SLC6A17: variants seen among roughly 807,000 people sequenced by gnomAD.
SLC6A17 encodes sodium-dependent neutral amino acid transporter SLC6A17.
Under a neutral mutation model 64.5 loss-of-function variants are expected in SLC6A17, and 21 were observed. That is an observed-to-expected ratio of 0.33 (90% CI 0.23 to 0.47). The LOEUF is 0.47. Among genes scored for constraint, SLC6A17 ranks in the 20% least tolerant of loss-of-function variants. The pLI is 1.00. For missense variants in SLC6A17, 682 were observed against 963.2 expected (o/e 0.71, Z 3.86); for synonymous variants, 372 against 399.5 (o/e 0.93, Z 0.82).
intron 3 of SLC6A17, 91 bp downstream of exon 3, chr1:110,172,308 T>C: frequency 6.8e-7 from 1 of 1,462,276 alleles, no homozygotes; most frequent in Non-Finnish European, 9.1e-7. Context: ...CAGGCCAGAG[T>C]CCTACGTCAG....
rs765278554 is a variant in SLC6A17 at position 110,198,195 on chromosome 1, T to C, written c.1935T>C (p.Ser645=). The change falls in exon 12 of 12, where the codon TCT becomes TCC. Residue 645 remains serine, a synonymous_variant. Coordinates refer to ENST00000331565, the MANE Select transcript of SLC6A17 (RefSeq NM_001010898.4). ...VFVLRHFHLL[S]DGSNTLSVSY... Reference sequence around the variant, plus strand: ...TCCTGCGGCACTTCCACCTGCTCTCTGATGGCTCCAACACCCTCTCCGTGT... The same window carrying C: ...TCCTGCGGCACTTCCACCTGCTCTCCGATGGCTCCAACACCCTCTCCGTGT... 4 of 1,614,042 alleles carry C rather than the reference T, an allele frequency of 2.5e-6. No individual in the cohort carries two copies. Among genetic ancestry groups the C allele is most frequent in the Admixed American group, 3.3e-5 (2 of 60,004 alleles).
At chr1:110,173,038 C>T (rs1656283279) in intron 3 of SLC6A17, among the ~76,000 whole-genome samples, 1 of 152,278 alleles carries the variant, frequency 6.6e-6, no homozygotes, top group African/African-American at 2.4e-5. Context: ...GCCCCCTGCT[C>T]TCACGTCAGC....
chr1:110,180,931 A>C (rs984414687), intron 6 of SLC6A17, among the ~76,000 whole-genome samples: 1 of 152,084 alleles, frequency 6.6e-6, no homozygotes, highest in African/African-American at 2.4e-5. Context: ...CCTTCCATAG[A>C]GCCTTCCAAC....
chr1:110,190,585 C>T lies in SLC6A17; in HGVS notation c.865-1387C>T, dbSNP rs115200759. ...ATATTAAAGACAGCTAAAGTCCAGA[C>T]GGACCCTAGAGTCCAACACCTCACT... On this transcript the variant is annotated intron_variant, in intron 6 of 11. Coordinates refer to ENST00000331565, the MANE Select transcript of SLC6A17 (RefSeq NM_001010898.4). Among the ~76,000 whole-genome samples the T allele has an allele frequency of 1.8e-3, 271 of 152,284 alleles. 1 individual carries two copies. The highest frequency in any genetic ancestry group is 6.0e-3 in the African/African-American group (251 of 41,546).
chr1:110,157,405 T>C (rs1357762120), intron 1 of SLC6A17, among the ~76,000 whole-genome samples: 2 of 151,960 alleles, frequency 1.3e-5, no homozygotes, highest in African/African-American at 4.8e-5. Flanking sequence ...AAACCCTGTC[T>C]CTACTAAAAA....
At chr1:110,175,018 G>A in intron 5 of SLC6A17, 58 bp downstream of exon 5, 5 of 1,562,406 alleles carry the variant, frequency 3.2e-6, no homozygotes, top group South Asian at 1.2e-5. Context: ...AGGCACAGAG[G>A]GCACAGGGCT....
In SLC6A17 at chr1:110,166,829, A is replaced by G; in HGVS notation, c.-87-14A>G. 6.9e-7 allele frequency: 1 copy of G among 1,438,924 alleles called. No individual in the cohort carries two copies. Among genetic ancestry groups the G allele is most frequent in the Non-Finnish European group, 9.2e-7 (1 of 1,082,162 alleles). 89.1% of individuals were successfully genotyped at this position (1,438,924 alleles called of 1,614,324 possible). On this transcript the variant is annotated splice_polypyrimidine_tract_variant and intron_variant, in intron 1 of 11. Coordinates refer to ENST00000331565, the MANE Select transcript of SLC6A17 (RefSeq NM_001010898.4). ...GTGGTCAGATAATCCTTTACTGCTC[A>G]CCTGGTTTCCTAGGTCCCTGAATGA...
intron 1 of SLC6A17, chr1:110,166,357 C>A: frequency 6.6e-6 from 1 of 152,178 alleles, no homozygotes; most frequent in East Asian, 1.9e-4. Context: ...TGGTGCGAGC[C>A]TAAGATGCCC....
intron 4 of SLC6A17, among the ~76,000 whole-genome samples, chr1:110,174,570 T>C (rs1274265063): frequency 6.6e-6 from 1 of 152,088 alleles, no homozygotes; most frequent in Non-Finnish European, 1.5e-5. Flanking sequence ...GCCAGGCTGG[T>C]GTGTCCTGAA....
At position 110,198,280 on chromosome 1, in the gene SLC6A17, C is replaced by G; in HGVS notation, c.2020C>G (p.Arg674Gly). Residue 674 changes from arginine (R) to glycine (G), a missense_variant, in exon 12 of 12, where the codon CGC becomes GGC. Physicochemically the swap from Arg to Gly is moderately radical, Grantham distance 125. Transcript: ENST00000331565. ...CAACCTGGAGGAGAACGATGAGACC[C>G]GCTTCATCCTCAGCAAGGTGCCCAG... ...ISNLEENDETRFILSKVPSEA... is the reference protein window; with the variant it reads ...ISNLEENDETGFILSKVPSEA... 1 of 1,614,166 alleles carries G rather than the reference C, an allele frequency of 6.2e-7. No homozygotes were observed. The highest frequency in any genetic ancestry group is 8.5e-7 in the Non-Finnish European group (1 of 1,180,028).
chr1:110,155,331 T>A (rs877067), intron 1 of SLC6A17, among the ~76,000 whole-genome samples: 63,783 of 152,046 alleles, frequency 0.42, 15,211 homozygotes, highest in Non-Finnish European at 0.55. Context: ...CAGTTTTTTT[T>A]AAAAAATACA....
At chr1:110,188,395 TC>T (rs892061575) in intron 6 of SLC6A17, among the ~76,000 whole-genome samples, 2 of 152,236 alleles carry the variant, frequency 1.3e-5, no homozygotes, top group Non-Finnish European at 2.9e-5. Flanking sequence ...CACCTGGCTC[TC>T]CCATGCTCCG....
chr1:110,198,459 C>T lies in SLC6A17; in HGVS notation c.*15C>T, dbSNP rs2761446. The T allele has an allele frequency of 6.3e-7, 1 of 1,584,128 alleles. No homozygotes were observed. The highest frequency in any genetic ancestry group is 8.6e-7 in the Non-Finnish European group (1 of 1,164,094). ...CGGAGCTGTGACCACTGCCCAAGCC[C>T]TGCCCGCCTCTCCCCCCACGCTCAA... On this transcript the variant is annotated 3_prime_UTR_variant, in exon 12 of 12. Transcript: ENST00000331565.
chr1:110,160,455 C>T (rs372949498), intron 1 of SLC6A17, among the ~76,000 whole-genome samples: 11 of 152,182 alleles, frequency 7.2e-5, no homozygotes, highest in East Asian at 1.9e-4. Flanking sequence ...TCTGTGTGTG[C>T]GAAGCACTGG....
In SLC6A17 at chr1:110,194,681, A is replaced by C. The variant is rs1656914949; in HGVS notation, c.1402A>C (p.Asn468His). The C allele has an allele frequency of 6.2e-7, 1 of 1,614,042 alleles. No homozygotes were observed. The highest frequency in any genetic ancestry group is 1.7e-5 in the Admixed American group (1 of 60,006). Residue 468 changes from asparagine (N) to histidine (H), a missense_variant, in exon 9 of 12, where the codon AAC (asparagine) becomes CAC (histidine). Asn to His is a moderately conservative substitution (Grantham distance 68). This residue lies in a region of SLC6A17 where 415 missense variants were observed against 603.8 expected (regional missense o/e 0.69). Transcript: ENST00000331565. ...CGTCATGTTCTTCTTGATGCTTATCAACCTGGGCCTGGGCAGCATGATCGG... is the reference window on the plus strand; with the variant it reads ...CGTCATGTTCTTCTTGATGCTTATCCACCTGGGCCTGGGCAGCATGATCGG... ...WSVMFFLMLINLGLGSMIGTM... is the reference protein window; with the variant it reads ...WSVMFFLMLIHLGLGSMIGTM...
At chr1:110,153,519 A>ATGTGTGTGTGTGTGTGTGTGTGTG (rs3222731) in intron 1 of SLC6A17, among the ~76,000 whole-genome samples, 3,709 of 137,196 alleles carry the variant, frequency 0.027, 134 homozygotes, top group Non-Finnish European at 0.038. Flanking sequence ...GCTACTGGAA[A>ATGTGTGTGTGTGTGTGTGTGTGTG]TGTGTGTGTG....
At chr1:110,194,522 A>T (rs1656908901) in intron 8 of SLC6A17, 57 bp from the exon 9 acceptor site, 1 of 1,564,146 alleles carries the variant, frequency 6.4e-7, no homozygotes, top group African/African-American at 1.4e-5. Context: ...GGAAGGAAGC[A>T]GTGGGCTCCC....
Position 110,198,118 on chromosome 1 carries a change from C to A in SLC6A17, c.1858C>A (p.Leu620Ile), listed in dbSNP as rs773906847. Reference sequence around the variant, plus strand: ...GTATTTCCCCAACTGGGCCATGGCACTCCTGATCACCCTCATCGTCGTGGC... The same window carrying A: ...GTATTTCCCCAACTGGGCCATGGCAATCCTGATCACCCTCATCGTCGTGGC... ...YLYFPNWAMA[L>I]LITLIVVATL... The change falls in exon 12 of 12, where the codon CTC (leucine) becomes ATC (isoleucine). Residue 620 changes from leucine (L) to isoleucine (I), a missense_variant. Physicochemically the swap from Leu to Ile is conservative, Grantham distance 5 (BLOSUM62 2). Transcript: ENST00000331565. The A allele has an allele frequency of 1.2e-6, 2 of 1,613,978 alleles. No homozygotes were observed. Among genetic ancestry groups the A allele is most frequent in the Non-Finnish European group, 1.7e-6 (2 of 1,179,998 alleles).
Position 110,192,526 on chromosome 1 carries a change from G to A in SLC6A17, c.1127G>A (p.Gly376Glu). The change falls in exon 8 of 12, where the codon GGG (glycine) becomes GAG (glutamate). Residue 376 changes from glycine (G) to glutamate (E), a missense_variant. Physicochemically the swap from Gly to Glu is moderately conservative, Grantham distance 98. Transcript: ENST00000331565. This position sits in a 1 kb window ranked among gnomAD's most constrained non-coding sequence, Gnocchi z 4.3. ...CVVENAEKIL[G>E]YLNTNVLSRD... ...TGCAGGAATGCTGAGAAAATCCTAG[G>A]GTACCTTAACACCAACGTCCTGAGC... is the stretch of plus-strand genomic sequence containing the variant. The A allele has an allele frequency of 6.2e-7, 1 of 1,613,632 alleles. No homozygotes were observed. The highest frequency in any genetic ancestry group is 8.5e-7 in the Non-Finnish European group (1 of 1,179,774).
Sources: allele counts gnomAD v4.1 joint callset (sites outside exome capture counted in the v4.1 genomes callset), GRCh38; gene constraint gnomAD v4.1.1; regional missense constraint gnomAD v4.1.1; non-coding constraint Gnocchi (gnomAD v3.1); transcripts MANE v1.5; gene names NCBI Gene and HGNC (gene_info 2026-07-23, HGNC 2026-07-21).